TTBK2: variants seen among roughly 807,000 people sequenced by gnomAD.
TTBK2 encodes the protein tau-tubulin kinase 2.
In TTBK2, 28 loss-of-function variants were observed where a neutral mutation model predicts 110.8. The ratio of observed to expected loss-of-function variants is 0.25; its 90% CI spans 0.19 to 0.35. The LOEUF is 0.35. TTBK2 is among the 10% of genes least tolerant of loss of function. The pLI is 1.00. For missense variants in TTBK2, 1,369 were observed against 1,500.3 expected (o/e 0.91, Z 1.45); for synonymous variants, 532 against 527.3 (o/e 1.01, Z -0.12).
chr15:42,911,780 G>A (rs1254424411), intron 1 of TTBK2, among the ~76,000 whole-genome samples: 1 of 152,192 alleles, frequency 6.6e-6, no homozygotes, highest in African/African-American at 2.4e-5. Context: ...AGTTAACTAA[G>A]GAGGTATGCA....
intron 1 of TTBK2, among the ~76,000 whole-genome samples, chr15:42,918,265 C>T (rs2031189544): frequency 6.6e-6 from 1 of 151,982 alleles, no homozygotes; most frequent in Admixed American, 6.6e-5. Flanking sequence ...CAGGATCTCC[C>T]TGTGTTACTT....
chr15:42,813,395 G>A (rs186141719), intron 7 of TTBK2, among the ~76,000 whole-genome samples: 40 of 152,116 alleles, frequency 2.6e-4, no homozygotes, highest in African/African-American at 8.9e-4. Flanking sequence ...GGTGGTGAAT[G>A]CCTGTGGTCC....
rs1298682408 is a variant in TTBK2, at chr15:42,869,211, C to T, written c.217+3400G>A. ...CAAGCGATTCTCATACCTCAGCCTC[C>T]AGGGTAGCTGAGATGACAGGCGCAC... On this transcript the variant is annotated intron_variant, in intron 3 of 14. Transcript: ENST00000267890. 3.3e-5 allele frequency among the ~76,000 whole-genome samples: 5 copies of T among 152,050 alleles called. No individual in the cohort carries two copies. In the East Asian group the frequency reaches 7.8e-4, roughly 24 times the overall value.
At chr15:42,855,373 CAG>C (rs1893888916) in intron 3 of TTBK2, among the ~76,000 whole-genome samples, 1 of 152,100 alleles carries the variant, frequency 6.6e-6, no homozygotes, top group African/African-American at 2.4e-5. Flanking sequence ...TACAAGGAAA[CAG>C]AGTTACTAGG....
chr15:42,842,239 T>C (rs1469479128), intron 3 of TTBK2, among the ~76,000 whole-genome samples: 1 of 151,508 alleles, frequency 6.6e-6, no homozygotes, highest in Admixed American at 6.6e-5. Context: ...TAAGAGTCCC[T>C]CAAGGAAATA....
At chr15:42,871,626 A>T (rs1015345773) in intron 3 of TTBK2, 1 of 979,892 alleles carries the variant, frequency 1.0e-6, no homozygotes, top group African/African-American at 1.7e-5. Context: ...CACTGAGTTG[A>T]GAACAACAAC....
intron 7 of TTBK2, among the ~76,000 whole-genome samples, chr15:42,815,925 T>TATATA (rs1167141366): frequency 3.0e-5 from 2 of 66,446 alleles, no homozygotes; most frequent in African/African-American, 1.1e-4. Flanking sequence ...TATATATATA[T>TATATA]TTAAAAATAT....
rs550894381 is a variant in TTBK2, at chr15:42,759,090, C to T, written c.1999-5843G>A. 2.5e-3 allele frequency among the ~76,000 whole-genome samples: 379 copies of T among 152,352 alleles called. 1 individual carries two copies. Among genetic ancestry groups the T allele is most frequent in the Middle Eastern group, 0.017 (5 of 294 alleles). ...CCATCTTCATTCCCTCAAGCTCACACAGGTGGCTGGTGGCTACAATGTCAT... is the reference window on the plus strand; with the variant it reads ...CCATCTTCATTCCCTCAAGCTCACATAGGTGGCTGGTGGCTACAATGTCAT... On this transcript the variant is annotated intron_variant, in intron 13 of 14. Transcript: ENST00000267890.
intron 3 of TTBK2, among the ~76,000 whole-genome samples, chr15:42,861,336 G>A (rs1022193698): frequency 2.0e-5 from 3 of 152,164 alleles, no homozygotes; most frequent in Admixed American, 2.0e-4. Flanking sequence ...CATATTCTAA[G>A]ATTGGCCACA....
chr15:42,821,022 C>A (rs1472661880), intron 6 of TTBK2, among the ~76,000 whole-genome samples: 2 of 148,780 alleles, frequency 1.3e-5, no homozygotes, highest in Non-Finnish European at 3.0e-5. Context: ...GCTTGGGTAA[C>A]AGAGTGAGAC....
intron 3 of TTBK2, among the ~76,000 whole-genome samples, chr15:42,853,249 C>G (rs1476293367): frequency 3.3e-5 from 5 of 151,610 alleles, no homozygotes; most frequent in African/African-American, 4.9e-5. Flanking sequence ...AAATCCAGGA[C>G]CAGTATTTCA....
intron 6 of TTBK2, among the ~76,000 whole-genome samples, chr15:42,817,451 G>T (rs903820778): frequency 6.6e-6 from 1 of 151,974 alleles, no homozygotes; most frequent in Non-Finnish European, 1.5e-5. Flanking sequence ...TTAATATTCA[G>T]GTTCTGATAC....
chr15:42,795,817 T>C (rs958177568), intron 9 of TTBK2, among the ~76,000 whole-genome samples: 2 of 132,802 alleles, frequency 1.5e-5, no homozygotes, highest in African/African-American at 2.9e-5. Flanking sequence ...TACTCCAACC[T>C]GGGTGACGGA....
At chr15:42,776,938 A>G (rs1448443786) in intron 12 of TTBK2, 93 bp downstream of exon 12, 1 of 1,361,546 alleles carries the variant, frequency 7.3e-7, no homozygotes, top group Non-Finnish European at 1.0e-6. Context: ...GAAAGACTTT[A>G]TGTAACAGAA....
chr15:42,806,070 C>G (rs1223410946), intron 9 of TTBK2, among the ~76,000 whole-genome samples: 1 of 152,082 alleles, frequency 6.6e-6, no homozygotes, highest in African/African-American at 2.4e-5. Flanking sequence ...TTGAGACCAG[C>G]CTGGCCAACA....
chr15:42,888,546 C>G (rs1487864793), intron 1 of TTBK2, among the ~76,000 whole-genome samples: 1 of 152,176 alleles, frequency 6.6e-6, no homozygotes, highest in Non-Finnish European at 1.5e-5. Context: ...ATTGAGGCTA[C>G]TGCTCTGCCC....
intron 6 of TTBK2, among the ~76,000 whole-genome samples, chr15:42,825,397 A>C (rs1287731087): frequency 6.6e-6 from 1 of 152,202 alleles, no homozygotes; most frequent in Non-Finnish European, 1.5e-5. Context: ...ACTTAAAATT[A>C]ATTGAATTTA....
chr15:42,828,947 T>C (rs771394814), intron 5 of TTBK2, among the ~76,000 whole-genome samples: 2 of 152,144 alleles, frequency 1.3e-5, no homozygotes, highest in Non-Finnish European at 2.9e-5. Flanking sequence ...GTTACCAGAA[T>C]TGTTAGTTTT....
chr15:42,796,773 T>C (rs1309705476), intron 9 of TTBK2, among the ~76,000 whole-genome samples: 1 of 152,232 alleles, frequency 6.6e-6, no homozygotes. Flanking sequence ...ATACATTACC[T>C]TATTCATAAC....
Sources: allele counts gnomAD v4.1 joint callset (sites outside exome capture counted in the v4.1 genomes callset), GRCh38; gene constraint gnomAD v4.1.1; transcripts MANE v1.5; gene names NCBI Gene and HGNC (gene_info 2026-07-23, HGNC 2026-07-21).